Variants in WASHC2A observed in about 807,000 individuals in gnomAD.
The protein encoded by WASHC2A is WASH complex subunit FAM21A.
A neutral mutation model predicts 140.3 loss-of-function variants in WASHC2A; 82 were observed. The ratio of observed to expected loss-of-function variants is 0.58; its 90% CI spans 0.49 to 0.70. The LOEUF (loss-of-function observed/expected upper bound fraction) is 0.70, where lower values mean the gene tolerates loss of function less well. Among genes scored for constraint, WASHC2A ranks in the 30% least tolerant of loss-of-function variants. WASHC2A has a pLI of 0.00. For synonymous variants in WASHC2A, 340 were observed against 560.8 expected (o/e 0.61, Z 5.56); for missense variants, 985 against 1,521.8 (o/e 0.65, Z 5.87).
chr10:50,095,464 A>G, intron 14 of WASHC2A, 135 bp from the exon 15 acceptor site: 17 of 1,380,474 alleles, frequency 1.2e-5, no homozygotes, highest in Non-Finnish European at 1.7e-5. Flanking sequence ...TAATGGATGG[A>G]GGCTATTGGG....
intron 20 of WASHC2A, among the ~76,000 whole-genome samples, chr10:50,112,586 T>A (rs1438898715): frequency 2.6e-5 from 3 of 113,590 alleles, no homozygotes; most frequent in Non-Finnish European, 5.7e-5. Flanking sequence ...TAGTTGTTCA[T>A]ATAAAAACTT....
At chr10:50,121,419 G>A (rs1554893438) in intron 23 of WASHC2A, among the ~76,000 whole-genome samples, 1 of 145,320 alleles carries the variant, frequency 6.9e-6, no homozygotes, top group African/African-American at 2.7e-5. Flanking sequence ...TTGCAATGGA[G>A]TTTCACTCTT....
At chr10:50,103,038 G>T (rs1341951239) in intron 17 of WASHC2A, among the ~76,000 whole-genome samples, 3 of 149,854 alleles carry the variant, frequency 2.0e-5, no homozygotes, top group Non-Finnish European at 3.0e-5. Context: ...GGCTAATCTG[G>T]TATTTTTACA....
intron 8 of WASHC2A, among the ~76,000 whole-genome samples, chr10:50,088,612 G>T (rs1288329821): frequency 7.2e-6 from 1 of 138,684 alleles, no homozygotes; most frequent in Non-Finnish European, 1.6e-5. Context: ...TCTTCAGAAT[G>T]AGGTGGTATA....
intron 20 of WASHC2A, chr10:50,112,023 A>C (rs1290117919): frequency 2.0e-6 from 2 of 984,890 alleles, no homozygotes; most frequent in Non-Finnish European, 2.4e-6. Flanking sequence ...GAGAGACTCC[A>C]TCTCAAAAAA....
At chr10:50,113,645 A>G (rs1311242210) in intron 20 of WASHC2A, among the ~76,000 whole-genome samples, 1 of 145,310 alleles carries the variant, frequency 6.9e-6, no homozygotes, top group African/African-American at 2.6e-5. Context: ...ATGAACCTGC[A>G]CTGGATAGTA....
intron 16 of WASHC2A, among the ~76,000 whole-genome samples, chr10:50,098,305 C>T (rs1330953096): frequency 6.6e-6 from 1 of 151,938 alleles, no homozygotes; most frequent in Non-Finnish European, 1.5e-5. Context: ...AAAATTATCT[C>T]GCATATAGTT....
At chr10:50,103,621 G>T (rs1841455736) in intron 17 of WASHC2A, among the ~76,000 whole-genome samples, 1 of 151,986 alleles carries the variant, frequency 6.6e-6, no homozygotes, top group African/African-American at 2.4e-5. Flanking sequence ...AAATAAAATA[G>T]TTGTAGCTCC....
In WASHC2A at chr10:50,095,733, G is replaced by T; in HGVS notation, c.1375G>T (p.Asp459Tyr). The change falls in exon 15 of 31, where the codon GAT becomes TAT. Residue 459 changes from aspartate to tyrosine, a missense_variant. By Grantham distance (160) the Asp-to-Tyr change is radical. Coordinates refer to ENST00000282633, the MANE Select transcript of WASHC2A (RefSeq NM_001005751.3). ...CTTTGATGATGATGATGGTGATGAT[G>T]ATGACGACTTTTTCTCGGCACCCCA... is the stretch of plus-strand genomic sequence containing the variant. Reference protein sequence around the residue: ...GLFDDDDGDDDDDFFSAPHSK... With the variant: ...GLFDDDDGDDYDDFFSAPHSK... 1 of 1,611,492 alleles carries T rather than the reference G, an allele frequency of 6.2e-7. No homozygotes were observed. The highest frequency in any genetic ancestry group is 8.5e-7 in the Non-Finnish European group (1 of 1,179,736).
intron 20 of WASHC2A, among the ~76,000 whole-genome samples, chr10:50,111,856 C>A (rs1232696074): frequency 2.9e-4 from 44 of 152,138 alleles, no homozygotes; most frequent in Non-Finnish European, 5.4e-4. Context: ...GGTGAAACCC[C>A]GTCTCTACTA....
chr10:50,082,747 T>G (rs1839025075), intron 5 of WASHC2A, among the ~76,000 whole-genome samples: 2 of 147,840 alleles, frequency 1.4e-5, no homozygotes, highest in African/African-American at 5.0e-5. Context: ...CCAAAAGTGC[T>G]GGGATTACAG....
intron 19 of WASHC2A, among the ~76,000 whole-genome samples, chr10:50,109,433 GA>G (rs1391610211): frequency 5.9e-5 from 9 of 152,128 alleles, no homozygotes; most frequent in African/African-American, 2.2e-4. Context: ...TCTGGAGTTG[GA>G]AGTTCTTGAG....
At chr10:50,100,309 C>T (rs1309569964) in intron 17 of WASHC2A, among the ~76,000 whole-genome samples, 1 of 151,742 alleles carries the variant, frequency 6.6e-6, no homozygotes, top group Non-Finnish European at 1.5e-5. Context: ...TGATGAAACC[C>T]AGTCTCTATT....
intron 5 of WASHC2A, among the ~76,000 whole-genome samples, chr10:50,082,563 T>C (rs1482810805): frequency 2.3e-3 from 344 of 149,900 alleles, no homozygotes; most frequent in African/African-American, 8.2e-3. Flanking sequence ...CTGCAGCTTC[T>C]GTCTCCTGGG....
intron 28 of WASHC2A, among the ~76,000 whole-genome samples, chr10:50,128,025 T>G (rs1451867097): frequency 6.6e-6 from 1 of 151,710 alleles, no homozygotes; most frequent in Non-Finnish European, 1.5e-5. Context: ...GTAGCCACAG[T>G]AACGTCTCAC....
intron 6 of WASHC2A, among the ~76,000 whole-genome samples, chr10:50,084,613 T>TA (rs1839223849): frequency 6.6e-6 from 1 of 151,726 alleles, no homozygotes; most frequent in South Asian, 2.1e-4. Flanking sequence ...GTATTTTTAG[T>TA]AGAGACGGGG....
chr10:50,090,515 A>AATAAATAT, intron 8 of WASHC2A, among the ~76,000 whole-genome samples: 1 of 108,736 alleles, frequency 9.2e-6, no homozygotes, highest in African/African-American at 3.3e-5. Flanking sequence ...AAAAAAAAAA[A>AATAAATAT]ATATATATAT....
chr10:50,088,958 C>CTTTTTTTTTTTTT (rs1210204220), intron 8 of WASHC2A, among the ~76,000 whole-genome samples: 2 of 41,386 alleles, frequency 4.8e-5, no homozygotes, highest in Non-Finnish European at 9.1e-5. Flanking sequence ...TTTTTCTTTC[C>CTTTTTTTTTTTTT]TTTTTTTTTT....
intron 19 of WASHC2A, among the ~76,000 whole-genome samples, chr10:50,108,810 A>G (rs1842005541): frequency 9.9e-6 from 1 of 101,350 alleles, no homozygotes. Context: ...TGAACCCGGG[A>G]GGCAGAGGTT....
Sources: gnomAD v4.1 joint callset for allele counts (sites outside exome capture counted in the v4.1 genomes callset) on GRCh38, gnomAD v4.1.1 for gene constraint, MANE v1.5 for transcripts, NCBI Gene and HGNC (gene_info 2026-07-23, HGNC 2026-07-21) for gene names.